Variants in FBP2 observed in about 807,000 individuals in gnomAD.
The protein encoded by FBP2 is fructose-bisphosphatase 2, also known as fructose-1,6-bisphosphatase isozyme 2.
A neutral mutation model predicts 31.6 loss-of-function variants in FBP2; 27 were observed. The observed-to-expected ratio is 0.85, with a 90% CI of 0.63 to 1.18. FBP2 has a LOEUF of 1.18. FBP2 is among the 50% of genes most tolerant of loss of function. FBP2 has a pLI of 0.00. For synonymous variants in FBP2, 168 were observed against 179.8 expected (o/e 0.93, Z 0.53); for missense variants, 421 against 436.1 (o/e 0.97, Z 0.31).
chr9:94,564,731 GACAA>G lies in FBP2; in HGVS notation c.706-1274_706-1271del, dbSNP rs907478340. Among the ~76,000 whole-genome samples, 16 of 152,126 alleles carry G rather than the reference GACAA, an allele frequency of 1.1e-4. No individual in the cohort carries two copies. The East Asian group carries it at 2.1e-3, about 20-fold the overall frequency. Reference sequence around the variant, plus strand: ...TGGATACCAGGTTTAGTACCTGGGAGACAAACAATCTATACAGCAAACCCCCATG... The same window carrying G: ...TGGATACCAGGTTTAGTACCTGGGAGACAATCTATACAGCAAACCCCCATG... On this transcript the variant is annotated intron_variant, in intron 5 of 6. Transcript: ENST00000375337.
chr9:94,562,927 TTGTATGTAATG>T (rs1258237011), intron 6 of FBP2, among the ~76,000 whole-genome samples: 1 of 152,208 alleles, frequency 6.6e-6, no homozygotes. Context: ...AACGTGTAAT[TTGTATGTAATG>T]TGTACGTTTA....
intron 6 of FBP2, among the ~76,000 whole-genome samples, chr9:94,559,573 C>T (rs1448882074): frequency 6.6e-6 from 1 of 150,736 alleles, no homozygotes; most frequent in African/African-American, 2.5e-5. Context: ...GCCGGCTTGT[C>T]TCTCTGGGGA....
chr9:94,562,788 C>T (rs1405682590), intron 6 of FBP2, among the ~76,000 whole-genome samples: 2 of 152,144 alleles, frequency 1.3e-5, no homozygotes, highest in African/African-American at 4.8e-5. Flanking sequence ...CATTAAGTTG[C>T]AATTAGACCT....
At position 94,567,421 on chromosome 9, in the gene FBP2, G is replaced by C; in HGVS notation, c.568-14C>G. ...TTCACCAAGAGCCTAGCAACATGAA[G>C]AGAGATGCCAGGAAGAAGAGAGAAG... is the stretch of plus-strand genomic sequence containing the variant. On this transcript the variant is annotated splice_polypyrimidine_tract_variant and intron_variant, in intron 4 of 6. Transcript: ENST00000375337. 4 of 1,611,854 alleles carry C rather than the reference G, an allele frequency of 2.5e-6. No homozygotes were observed. Among genetic ancestry groups the C allele is most frequent in the Non-Finnish European group, 3.4e-6 (4 of 1,179,742 alleles).
intron 6 of FBP2, among the ~76,000 whole-genome samples, chr9:94,562,280 A>G (rs1354363238): frequency 6.9e-6 from 1 of 143,894 alleles, no homozygotes; most frequent in East Asian, 2.1e-4. Flanking sequence ...ACTGCACTCC[A>G]GCCTGGGCGA....
chr9:94,558,777 G>T lies in FBP2; in HGVS notation c.*161C>A, dbSNP rs1223062228. ...CACATTGACCATAGAATCGCCTGTG[G>T]CTTCCAAACCTGTCGTAAGCAGTTT... On this transcript the variant is annotated 3_prime_UTR_variant, in exon 7 of 7. Coordinates refer to ENST00000375337, the MANE Select transcript of FBP2 (RefSeq NM_003837.4). 1.1e-5 allele frequency: 7 copies of T among 656,966 alleles called. No individual in the cohort carries two copies. The highest frequency in any genetic ancestry group is 8.7e-5 in the Admixed American group (3 of 34,452). 40.7% of individuals were successfully genotyped at this position (656,966 alleles called of 1,614,324 possible).
chr9:94,567,899 T>C (rs612153), intron 4 of FBP2: 73,778 of 152,730 alleles, frequency 0.48, 18,379 homozygotes, highest in East Asian at 0.6. Flanking sequence ...GAGGCCGAGG[T>C]GGGTGGATCA....
intron 1 of FBP2, among the ~76,000 whole-genome samples, chr9:94,587,977 T>C (rs1827447533): frequency 6.6e-6 from 1 of 151,504 alleles, no homozygotes. Flanking sequence ...GCCTCCGGAG[T>C]AGCTGGGACT....
chr9:94,570,092 C>A (rs560614298), intron 4 of FBP2: 44 of 152,358 alleles, frequency 2.9e-4, no homozygotes, highest in African/African-American at 1.0e-3. Flanking sequence ...TCTCTTCCTT[C>A]TGTCATGTTG....
intron 5 of FBP2, among the ~76,000 whole-genome samples, chr9:94,565,345 G>A (rs1391812559): frequency 1.4e-5 from 2 of 138,260 alleles, no homozygotes; most frequent in African/African-American, 5.6e-5. Context: ...ACTTCAGCCT[G>A]GAGACAGAGC....
At chr9:94,565,034 C>T (rs994341379) in intron 5 of FBP2, among the ~76,000 whole-genome samples, 6 of 151,942 alleles carry the variant, frequency 3.9e-5, no homozygotes, top group African/African-American at 1.5e-4. Flanking sequence ...AATGAAACAT[C>T]AGTATGTATC....
intron 3 of FBP2, among the ~76,000 whole-genome samples, 169 bp downstream of exon 3, chr9:94,584,408 T>A (rs767990492): frequency 2.0e-5 from 3 of 152,186 alleles, no homozygotes; most frequent in Non-Finnish European, 2.9e-5. Flanking sequence ...CCAATCCAGT[T>A]CTTCTAATGA....
chr9:94,593,795 C>A lies in FBP2; in HGVS notation c.-69G>T. ...TTGCTTACTTCTGAGGGCTGCAGCT[C>A]CGCAGTGTGGAAGCCGATAAGAAAT... On this transcript the variant is annotated 5_prime_UTR_variant, in exon 1 of 7. Coordinates refer to ENST00000375337, the MANE Select transcript of FBP2 (RefSeq NM_003837.4). The A allele has an allele frequency of 6.5e-7, 1 of 1,547,808 alleles. No homozygotes were observed. The highest frequency in any genetic ancestry group is 2.3e-5 in the East Asian group (1 of 44,292).
Position 94,565,962 on chromosome 9 carries a change from CAT to C in FBP2, c.705+1306_705+1307del, listed in dbSNP as rs571424201. Among the ~76,000 whole-genome samples the C allele has an allele frequency of 1.7e-3, 259 of 152,244 alleles. 1 individual carries two copies. Among genetic ancestry groups the C allele is most frequent in the African/African-American group, 5.9e-3 (247 of 41,546 alleles). ...ATTGGGGAGAAACATCCTTGGCCCA[CAT>C]CTGCTTATTTTGAGAGTGTTCTGAG... On this transcript the variant is annotated intron_variant, in intron 5 of 6. Transcript: ENST00000375337.
At position 94,587,384 on chromosome 9, in the gene FBP2, C is replaced by G. The variant is rs573212; in HGVS notation, c.256G>C (p.Val86Leu). 1,390,236 of 1,613,548 alleles carry G rather than the reference C, an allele frequency of 0.86. 599,853 individuals are homozygous for G. The highest frequency in any genetic ancestry group is 0.93 in the African/African-American group (69,546 of 74,962). The change falls in exon 2 of 7, where the codon GTC becomes CTC. Residue 86 changes from valine to leucine, a missense_variant. Physicochemically the swap from Val to Leu is conservative, Grantham distance 32. Coordinates refer to ENST00000375337, the MANE Select transcript of FBP2 (RefSeq NM_003837.4). ...VLSNSLVINM[V>L]QSSYSTCVLV... ...ACGCAGGTACTATAGGAGGATTGGA[C>G]CATGTTGATCACCAGGGAATTGGAT...
At chr9:94,588,670 G>T (rs994818617) in intron 1 of FBP2, among the ~76,000 whole-genome samples, 7 of 152,074 alleles carry the variant, frequency 4.6e-5, no homozygotes, top group Admixed American at 3.3e-4. Flanking sequence ...ATATGCAAAG[G>T]TCTCCCCACT....
intron 5 of FBP2, among the ~76,000 whole-genome samples, chr9:94,563,733 C>G (rs1185844495): frequency 1.3e-5 from 2 of 151,706 alleles, no homozygotes; most frequent in African/African-American, 2.4e-5. Flanking sequence ...GCTAAACAAA[C>G]AAAGAAAAAG....
chr9:94,586,562 G>A (rs904468153), intron 2 of FBP2: 1 of 152,198 alleles, frequency 6.6e-6, no homozygotes, highest in Non-Finnish European at 1.5e-5. Context: ...AAAATTATGT[G>A]AGACGAGGGC....
chr9:94,571,910 A>G (rs773847211), intron 3 of FBP2, among the ~76,000 whole-genome samples: 4 of 152,140 alleles, frequency 2.6e-5, no homozygotes, highest in African/African-American at 4.8e-5. Flanking sequence ...CATGTTCCCA[A>G]GCCACGATAC....
Sources: gnomAD v4.1 joint callset for allele counts (sites outside exome capture counted in the v4.1 genomes callset) on GRCh38, gnomAD v4.1.1 for gene constraint, MANE v1.5 for transcripts, NCBI Gene and HGNC (gene_info 2026-07-23, HGNC 2026-07-21) for gene names.